Variants in CACNA2D4 observed in about 807,000 individuals in gnomAD.
CACNA2D4 encodes the protein voltage-dependent calcium channel subunit alpha-2/delta-4.
A neutral mutation model predicts 163.8 loss-of-function variants in CACNA2D4; 157 were observed. The ratio of observed to expected loss-of-function variants is 0.96; its 90% CI spans 0.84 to 1.09. CACNA2D4 has a LOEUF of 1.09. Among genes scored for constraint, CACNA2D4 ranks in the 50% least tolerant of loss-of-function variants. The pLI, the probability that CACNA2D4 is intolerant of heterozygous loss-of-function variation, is 0.00. For synonymous variants in CACNA2D4, 598 were observed against 586.9 expected (o/e 1.02, Z -0.27); for missense variants, 1,410 against 1,479.9 (o/e 0.95, Z 0.78).
intron 31 of CACNA2D4, 108 bp from the exon 32 acceptor site, chr12:1,800,546 C>T: frequency 9.0e-7 from 1 of 1,110,356 alleles, no homozygotes; most frequent in Non-Finnish European, 1.3e-6. Context: ...GGCTGCCCTG[C>T]CACTGGGAGC....
Position 1,834,904 on chromosome 12 carries a change from C to A in CACNA2D4, c.2551+5835G>T. The A allele has an allele frequency of 1.7e-6, 2 of 1,163,812 alleles. No homozygotes were observed. The highest frequency in any genetic ancestry group is 2.3e-6 in the Non-Finnish European group (2 of 856,946). The allele number at this position is 1,163,812 out of a possible 1,614,324, so 72.1% of individuals were successfully genotyped here. The stretch of plus-strand genomic sequence containing the variant: ...ACTTTCGAGGCTCCCTGAAAGCCAC[C>A]GTGCTGGGGGCTCCTGCTGATGCTC... On this transcript the variant is annotated intron_variant, in intron 26 of 37. Transcript: ENST00000382722. This position sits in a 1 kb window ranked among gnomAD's most constrained non-coding sequence, Gnocchi z 7.6.
chr12:1,907,686 T>C, intron 5 of CACNA2D4, 115 bp from the exon 6 acceptor site: 1 of 1,184,988 alleles, frequency 8.4e-7, no homozygotes, highest in Non-Finnish European at 1.2e-6. Flanking sequence ...TAAGCGTGCC[T>C]GGTGGGTGTG....
At chr12:1,794,026 C>G (rs1455125238) in intron 37 of CACNA2D4, among the ~76,000 whole-genome samples, 1 of 152,160 alleles carries the variant, frequency 6.6e-6, no homozygotes, top group African/African-American at 2.4e-5. Flanking sequence ...GTCCTCAACT[C>G]TGGGAGCATC....
chr12:1,910,902 A>G (rs572383418), intron 3 of CACNA2D4, among the ~76,000 whole-genome samples: 5 of 152,314 alleles, frequency 3.3e-5, no homozygotes, highest in Admixed American at 1.3e-4. Flanking sequence ...TGGGGCGATG[A>G]AAAAGTTTTG....
intron 31 of CACNA2D4, chr12:1,800,642 A>G: frequency 1.6e-6 from 1 of 610,274 alleles, no homozygotes; most frequent in African/African-American, 1.8e-5. Flanking sequence ...TAGCTGGGAA[A>G]TGCCTATTGC....
Position 1,828,016 on chromosome 12 carries a change from C to G in CACNA2D4, c.2551+12723G>C, listed in dbSNP as rs777306274. 95 of 716,026 alleles carry G rather than the reference C, an allele frequency of 1.3e-4. 1 individual carries two copies. The Middle Eastern group carries it at 2.9e-3, about 22-fold the overall frequency. The allele number at this position is 716,026 out of a possible 1,614,324, so 44.4% of individuals were successfully genotyped here. On this transcript the variant is annotated intron_variant, in intron 26 of 37. Transcript: ENST00000382722. The surrounding 1 kb of genome is among the most constrained non-coding windows in gnomAD (Gnocchi z 4.2). ...AGAGACACCCGGGCCCTCTCCCTAA[C>G]CCCTGGGCTGGAACGGGGCTCCCGC...
At chr12:1,810,444 G>C in intron 28 of CACNA2D4, 99 bp downstream of exon 28, 1 of 1,517,354 alleles carries the variant, frequency 6.6e-7, no homozygotes, top group South Asian at 1.2e-5. Context: ...TTCACTGCAG[G>C]GAAGGAGGGC....
chr12:1,855,774 C>T (rs2154448349), intron 22 of CACNA2D4, among the ~76,000 whole-genome samples: 1 of 152,330 alleles, frequency 6.6e-6, no homozygotes, highest in East Asian at 1.9e-4. Context: ...CAGTCCCTGA[C>T]CTGGGGATCC....
At position 1,879,029 on chromosome 12, in the gene CACNA2D4, T is replaced by C. The variant is rs1865938908; in HGVS notation, c.1571A>G (p.His524Arg). 6.2e-7 allele frequency: 1 copy of C among 1,613,658 alleles called. No individual in the cohort carries two copies. Among genetic ancestry groups the C allele is most frequent in the African/African-American group, 1.3e-5 (1 of 75,002 alleles). The stretch of plus-strand genomic sequence containing the variant: ...GCCCACCACACCCAGGAGAATGCCA[T>C]GGGATCGCTGGAAGGAAAGACACAA... ...VFSKKNETRS[H>R]GILLGVVGSD... is the part of the protein sequence containing the mutation. The change falls in exon 15 of 38, where the codon CAT becomes CGT. Residue 524 changes from histidine (H) to arginine (R), a missense_variant. His to Arg is a conservative substitution (Grantham distance 29). Transcript: ENST00000382722.
chr12:1,886,588 A>G (rs1380890088), intron 7 of CACNA2D4, among the ~76,000 whole-genome samples: 1 of 152,202 alleles, frequency 6.6e-6, no homozygotes, highest in Non-Finnish European at 1.5e-5. Context: ...GCCACCTAAC[A>G]GGCCAGGTCA....
At position 1,875,262 on chromosome 12, in the gene CACNA2D4, G is replaced by C. The variant is rs374946377; in HGVS notation, c.1795C>G (p.Gln599Glu). 1.5e-4 allele frequency: 238 copies of C among 1,584,432 alleles called. No individual in the cohort carries two copies. The highest frequency in any genetic ancestry group is 1.8e-4 in the Non-Finnish European group (204 of 1,164,058). The change falls in exon 17 of 38, where the codon CAG becomes GAG. Residue 599 changes from glutamine to glutamate, a missense_variant. By Grantham distance (29) the Gln-to-Glu change is conservative. Transcript: ENST00000382722. The surrounding 1 kb of genome is among the most constrained non-coding windows in gnomAD (Gnocchi z 4.0). The part of the protein sequence containing the change: ...VDLSEVEWED[Q>E]AESLRTAMIN... ...TTTTCCCCACTCACAGATTCAGCCT[G>C]GTCTTCCCACTCCACTTCGGAGAGA... is the stretch of plus-strand genomic sequence containing the variant.
At chr12:1,877,238 G>C (rs1348759302) in intron 16 of CACNA2D4, among the ~76,000 whole-genome samples, 2 of 152,234 alleles carry the variant, frequency 1.3e-5, no homozygotes, top group African/African-American at 4.8e-5. Flanking sequence ...TTCGTCTAGA[G>C]TACATAGATG....
At chr12:1,840,962 G>T (rs1025749243) in intron 25 of CACNA2D4, 143 bp from the exon 26 acceptor site, 1 of 728,122 alleles carries the variant, frequency 1.4e-6, no homozygotes, top group Non-Finnish European at 2.4e-6. Flanking sequence ...GGGGACAGGG[G>T]TTGTGTTTGG....
intron 18 of CACNA2D4, among the ~76,000 whole-genome samples, chr12:1,868,380 CACTT>C (rs1390809679): frequency 2.0e-5 from 3 of 152,018 alleles, no homozygotes; most frequent in Non-Finnish European, 4.4e-5. Context: ...TGCGTGATCT[CACTT>C]ATATGTGGAA....
intron 29 of CACNA2D4, among the ~76,000 whole-genome samples, chr12:1,801,872 G>A (rs1279124461): frequency 6.6e-6 from 1 of 152,142 alleles, no homozygotes; most frequent in Admixed American, 6.5e-5. Context: ...ACTGGAAGGA[G>A]TCACCCGCTA....
intron 16 of CACNA2D4, among the ~76,000 whole-genome samples, chr12:1,876,762 C>G (rs1041979871): frequency 8.5e-5 from 13 of 152,312 alleles, no homozygotes; most frequent in African/African-American, 2.9e-4. Flanking sequence ...ACAGCCCTGT[C>G]CTGCCATCTT....
At chr12:1,817,081 G>A (rs1012698040) in intron 26 of CACNA2D4, among the ~76,000 whole-genome samples, 4 of 152,200 alleles carry the variant, frequency 2.6e-5, no homozygotes, top group African/African-American at 4.8e-5. Flanking sequence ...AGGAGACTGC[G>A]TGTTGCACGG....
intron 6 of CACNA2D4, among the ~76,000 whole-genome samples, chr12:1,888,693 C>T (rs189541480): frequency 6.6e-6 from 1 of 152,244 alleles, no homozygotes; most frequent in Admixed American, 6.5e-5. Context: ...AAAGAAAATG[C>T]ATACATTTGT....
At position 1,878,832 on chromosome 12, in the gene CACNA2D4, C is replaced by T; in HGVS notation, c.1644+124G>A. 2 of 762,510 alleles carry T rather than the reference C, an allele frequency of 2.6e-6. No homozygotes were observed. Among genetic ancestry groups the T allele is most frequent in the Non-Finnish European group, 4.3e-6 (2 of 469,658 alleles). The allele number at this position is 762,510 out of a possible 1,614,324, so 47.2% of individuals were successfully genotyped here. A position where few individuals can be genotyped will look rare whatever the true frequency, so the allele number is the denominator to read the frequency against. On this transcript the variant is annotated intron_variant, in intron 15 of 37. Coordinates refer to ENST00000382722, the MANE Select transcript of CACNA2D4 (RefSeq NM_172364.5). The surrounding 1 kb of genome is among the most constrained non-coding windows in gnomAD (Gnocchi z 4.6). ...CTGCTCAGCACCTGCACTTCTTGGG[C>T]AGTGATGGAGGGGCCCCACCCCAGC...
Sources: allele counts gnomAD v4.1 joint callset (sites outside exome capture counted in the v4.1 genomes callset), GRCh38; gene constraint gnomAD v4.1.1; non-coding constraint Gnocchi (gnomAD v3.1); transcripts MANE v1.5; gene names NCBI Gene and HGNC (gene_info 2026-07-23, HGNC 2026-07-21).